DCBLD2: variants seen among roughly 807,000 people sequenced by gnomAD.
The protein encoded by DCBLD2 is discoidin, CUB and LCCL domain-containing protein 2.
In DCBLD2, 54 loss-of-function variants were observed where a neutral mutation model predicts 86.8. That is an observed-to-expected ratio of 0.62 (90% CI 0.50 to 0.78). DCBLD2 has a LOEUF of 0.78. DCBLD2 is among the 30% of genes least tolerant of loss of function. DCBLD2 has a pLI of 0.00. For missense variants in DCBLD2, 908 were observed against 954.2 expected (o/e 0.95, Z 0.64); for synonymous variants, 354 against 341.3 (o/e 1.04, Z -0.41).
chr3:98,831,339 C>G (rs1334524881), intron 3 of DCBLD2, among the ~76,000 whole-genome samples: 1 of 152,032 alleles, frequency 6.6e-6, no homozygotes, highest in Non-Finnish European at 1.5e-5. Flanking sequence ...GCATGAGCTA[C>G]CGCTCTTGGC....
intron 1 of DCBLD2, among the ~76,000 whole-genome samples, chr3:98,898,696 G>A (rs1943792644): frequency 6.6e-6 from 1 of 152,110 alleles, no homozygotes; most frequent in South Asian, 2.1e-4. Context: ...TTATGTGAGG[G>A]AATATCAGTA....
intron 12 of DCBLD2, 21 bp downstream of exon 12, chr3:98,811,173 T>C: frequency 6.3e-7 from 1 of 1,583,876 alleles, no homozygotes; most frequent in African/African-American, 1.4e-5. Flanking sequence ...GTACTAGGCG[T>C]TCATTTCCAT....
At chr3:98,853,613 G>A (rs181309753) in intron 2 of DCBLD2, among the ~76,000 whole-genome samples, 2 of 152,252 alleles carry the variant, frequency 1.3e-5, no homozygotes, top group African/African-American at 4.8e-5. Flanking sequence ...CTCTTCTGAT[G>A]TCCACATCAA....
intron 3 of DCBLD2, among the ~76,000 whole-genome samples, chr3:98,838,874 G>C (rs1398584094): frequency 6.6e-6 from 1 of 151,998 alleles, no homozygotes; most frequent in Non-Finnish European, 1.5e-5. Flanking sequence ...GCGAAACCCC[G>C]TCTCCACCAA....
At chr3:98,853,328 AG>A (rs1475216141) in intron 2 of DCBLD2, among the ~76,000 whole-genome samples, 1 of 8,410 alleles carries the variant, frequency 1.2e-4, no homozygotes, top group Admixed American at 4.2e-3. Context: ...AAAAATCACA[AG>A]GAAAAAAAGG....
intron 2 of DCBLD2, among the ~76,000 whole-genome samples, chr3:98,856,605 T>C (rs1942934994): frequency 6.6e-6 from 1 of 151,916 alleles, no homozygotes; most frequent in South Asian, 2.1e-4. Flanking sequence ...AGCACAACAC[T>C]CCAAAGTTAA....
chr3:98,869,635 T>A (rs963339245), intron 2 of DCBLD2, among the ~76,000 whole-genome samples: 1 of 152,248 alleles, frequency 6.6e-6, no homozygotes, highest in African/African-American at 2.4e-5. Flanking sequence ...TAATTTTACA[T>A]AAACACGTTC....
chr3:98,867,661 T>A (rs552014728), intron 2 of DCBLD2, among the ~76,000 whole-genome samples: 5 of 152,190 alleles, frequency 3.3e-5, no homozygotes, highest in African/African-American at 1.2e-4. Context: ...AAAATCCTCA[T>A]GGTCACTGTA....
At chr3:98,812,941 CTGAAGG>C (rs989256715) in intron 9 of DCBLD2, 3 of 152,940 alleles carry the variant, frequency 2.0e-5, no homozygotes, top group Non-Finnish European at 4.4e-5. Context: ...TCTCAACAGG[CTGAAGG>C]TGAACATATA....
In DCBLD2 at chr3:98,901,413, G is replaced by A. The variant is rs923575778; in HGVS notation, c.-87C>T. The A allele has an allele frequency of 2.4e-6, 3 of 1,227,578 alleles. No homozygotes were observed. The highest frequency in any genetic ancestry group is 1.6e-5 in the African/African-American group (1 of 63,178). 76.0% of individuals were successfully genotyped at this position (1,227,578 alleles called of 1,614,324 possible). A position where few individuals can be genotyped will look rare whatever the true frequency, so the allele number is the denominator to read the frequency against. On this transcript the variant is annotated 5_prime_UTR_variant, in exon 1 of 16. Coordinates refer to ENST00000326840, the MANE Select transcript of DCBLD2 (RefSeq NM_080927.4). ...CCGCGGCACCCGACCAGGAGACGGC[G>A]GCAGCGGCGGGAGAACAAGAGGCAG... is the stretch of plus-strand genomic sequence containing the variant.
At chr3:98,810,839 T>C (rs1185870830) in intron 12 of DCBLD2, among the ~76,000 whole-genome samples, 1 of 152,176 alleles carries the variant, frequency 6.6e-6, no homozygotes, top group Non-Finnish European at 1.5e-5. Flanking sequence ...AATTAATATA[T>C]TATCAAGGGA....
At chr3:98,869,665 T>C (rs1943223276) in intron 2 of DCBLD2, among the ~76,000 whole-genome samples, 1 of 152,250 alleles carries the variant, frequency 6.6e-6, no homozygotes, top group African/African-American at 2.4e-5. Context: ...GAAGCAAATC[T>C]GACTGATAGT....
Position 98,818,037 on chromosome 3 carries a change from A to G in DCBLD2, c.1088-144T>C, listed in dbSNP as rs558830763. The stretch of plus-strand genomic sequence containing the variant: ...CCATATCCAAGTGCACGTTTTTGTC[A>G]TAACAATTACTAAATCCTTGGCCTT... On this transcript the variant is annotated intron_variant, in intron 8 of 15. Transcript: ENST00000326840. The G allele has an allele frequency of 2.9e-5, 30 of 1,048,524 alleles. No homozygotes were observed. The East Asian group carries it at 6.9e-4, about 24-fold the overall frequency. 65.0% of individuals were successfully genotyped at this position (1,048,524 alleles called of 1,614,324 possible). A position where few individuals can be genotyped will look rare whatever the true frequency, so the allele number is the denominator to read the frequency against.
rs181812770 is a variant in DCBLD2, at chr3:98,888,255, C to T, written c.206-6488G>A. Among the ~76,000 whole-genome samples, 4 of 151,946 alleles carry T rather than the reference C, an allele frequency of 2.6e-5. No homozygotes were observed. In the East Asian group the frequency reaches 7.7e-4, roughly 29 times the overall value. ...ACCATTTTTTTAAAAAGACATTGCC[C>T]CCAGCTTCATTCTTTTTAAGCTCAA... is the stretch of plus-strand genomic sequence containing the variant. On this transcript the variant is annotated intron_variant, in intron 1 of 15. Coordinates refer to ENST00000326840, the MANE Select transcript of DCBLD2 (RefSeq NM_080927.4).
intron 13 of DCBLD2, among the ~76,000 whole-genome samples, chr3:98,806,149 T>A (rs915618964): frequency 6.6e-6 from 1 of 152,196 alleles, no homozygotes; most frequent in Non-Finnish European, 1.5e-5. Flanking sequence ...TGCGTAGAGG[T>A]GCATGTTGTC....
chr3:98,859,720 C>T (rs752463890), intron 2 of DCBLD2, among the ~76,000 whole-genome samples: 2 of 152,208 alleles, frequency 1.3e-5, no homozygotes, highest in Non-Finnish European at 2.9e-5. Flanking sequence ...AAAACCCCAT[C>T]TGTATGTCAC....
Position 98,882,810 on chromosome 3 carries a change from C to T in DCBLD2, c.206-1043G>A, listed in dbSNP as rs2454680. Among the ~76,000 whole-genome samples, 3 of 151,940 alleles carry T rather than the reference C, an allele frequency of 2.0e-5. No individual in the cohort carries two copies. In the South Asian group the frequency reaches 6.2e-4, roughly 31 times the overall value. ...TGTATATGTGCCACATTTTCTTTATCCAGTCTATTACTGATGAACACTTGG... is the reference window on the plus strand; with the variant it reads ...TGTATATGTGCCACATTTTCTTTATTCAGTCTATTACTGATGAACACTTGG... On this transcript the variant is annotated intron_variant, in intron 1 of 15. Transcript: ENST00000326840.
At chr3:98,823,866 T>A (rs368822272) in intron 4 of DCBLD2, among the ~76,000 whole-genome samples, 12 of 152,154 alleles carry the variant, frequency 7.9e-5, no homozygotes, top group East Asian at 5.8e-4. Context: ...CTGGAGTCCA[T>A]GCTCTTATGC....
intron 1 of DCBLD2, among the ~76,000 whole-genome samples, 184 bp from the exon 2 acceptor site, chr3:98,881,951 T>C: frequency 6.6e-6 from 1 of 152,210 alleles, no homozygotes; most frequent in East Asian, 1.9e-4. Context: ...AGTGATGTTC[T>C]GATACATATG....
Sources: gnomAD v4.1 joint callset for allele counts (sites outside exome capture counted in the v4.1 genomes callset) on GRCh38, gnomAD v4.1.1 for gene constraint, MANE v1.5 for transcripts, NCBI Gene and HGNC (gene_info 2026-07-23, HGNC 2026-07-21) for gene names.